The following CEP192 variants were observed in gnomAD, a reference collection of about 807,000 sequenced individuals.
CEP192 encodes centrosomal protein 192.
CEP192 carries 151 observed loss-of-function variants against 271.8 expected under a neutral mutation model. The observed-to-expected ratio is 0.56, with a 90% CI of 0.49 to 0.64. The LOEUF (loss-of-function observed/expected upper bound fraction) is 0.64, where lower values mean the gene tolerates loss of function less well. CEP192 is among the 30% of genes least tolerant of loss of function. CEP192 has a pLI of 0.00. For missense variants in CEP192, 2,910 were observed against 3,020.5 expected (o/e 0.96, Z 0.86); for synonymous variants, 995 against 1,076.5 (o/e 0.92, Z 1.48).
At chr18:13,045,737 A>T (rs2036439679) in intron 15 of CEP192, among the ~76,000 whole-genome samples, 1 of 152,226 alleles carries the variant, frequency 6.6e-6, no homozygotes, top group Non-Finnish European at 1.5e-5. Flanking sequence ...AATTCTTCAT[A>T]AAATTGTTTT....
chr18:13,124,580 G>A, intron 44 of CEP192, 52 bp from the exon 45 acceptor site: 1 of 1,555,946 alleles, frequency 6.4e-7, no homozygotes. Flanking sequence ...CCTGGGACAG[G>A]GTCACGGGTG....
In CEP192 at chr18:13,049,471, G is replaced by A. The variant is rs752765929; in HGVS notation, c.2680G>A (p.Asp894Asn). ...IDNKLQDVGN[D>N]EKATSISTPS... ...CAACAAATTACAAGATGTTGGTAAC[G>A]ATGAAAAAGCTACCTCAATTTCCAC... Residue 894 changes from aspartate (D) to asparagine (N), a missense_variant, in exon 16 of 45, where the codon GAT becomes AAT. Coordinates refer to ENST00000506447, the MANE Select transcript of CEP192 (RefSeq NM_032142.4). 1.7e-5 allele frequency: 28 copies of A among 1,613,920 alleles called. No homozygotes were observed. Among genetic ancestry groups the A allele is most frequent in the Non-Finnish European group, 2.1e-5 (25 of 1,179,996 alleles).
At chr18:13,061,125 C>T (rs1009629784) in intron 21 of CEP192, among the ~76,000 whole-genome samples, 4 of 152,142 alleles carry the variant, frequency 2.6e-5, no homozygotes, top group Non-Finnish European at 4.4e-5. Flanking sequence ...GAGTTAGCAA[C>T]CAGCCTGGCC....
chr18:13,006,505 G>A (rs547376481), intron 3 of CEP192, among the ~76,000 whole-genome samples: 149 of 152,278 alleles, frequency 9.8e-4, no homozygotes, highest in African/African-American at 3.4e-3. Context: ...TATACTGAGG[G>A]TTGACTGTAA....
chr18:13,024,467 A>G lies in CEP192; in HGVS notation c.1051-5196A>G, dbSNP rs1331928804. 1.9e-5 allele frequency: 7 copies of G among 359,306 alleles called. No homozygotes were observed. In the East Asian group the frequency reaches 5.6e-4, roughly 29 times the overall value. The allele number at this position is 359,306 out of a possible 1,614,324, so 22.3% of individuals were successfully genotyped here. On this transcript the variant is annotated intron_variant, in intron 9 of 44. Transcript: ENST00000506447. ...AGTTGGTGTGTTTGTTTGTTTATTT[A>G]TTTATTTATTTTTTGAGGTGGAGTC...
At position 13,057,576 on chromosome 18, in the gene CEP192, C is replaced by T. The variant is rs1568350761; in HGVS notation, c.4109-9C>T. 6.2e-7 allele frequency: 1 copy of T among 1,612,078 alleles called. No individual in the cohort carries two copies. Among genetic ancestry groups the T allele is most frequent in the Non-Finnish European group, 8.5e-7 (1 of 1,179,076 alleles). ...CTTGCATTTTTGACTGTGCCTTATTCTCACCCAGGGAGTGTCCGAGTGCCC... is the reference window on the plus strand; with the variant it reads ...CTTGCATTTTTGACTGTGCCTTATTTTCACCCAGGGAGTGTCCGAGTGCCC... On this transcript the variant is annotated splice_polypyrimidine_tract_variant and intron_variant, in intron 19 of 44. Transcript: ENST00000506447.
intron 30 of CEP192, among the ~76,000 whole-genome samples, chr18:13,085,694 A>C (rs1191237494): frequency 6.6e-6 from 1 of 152,170 alleles, no homozygotes; most frequent in African/African-American, 2.4e-5. Flanking sequence ...GTCAAAGATC[A>C]GATGGTTGTA....
At chr18:13,075,815 G>A (rs748459798) in intron 30 of CEP192, among the ~76,000 whole-genome samples, 5 of 152,110 alleles carry the variant, frequency 3.3e-5, no homozygotes, top group Admixed American at 6.5e-5. Context: ...ATACGTGGCC[G>A]TGATCGTGCA....
intron 9 of CEP192, among the ~76,000 whole-genome samples, chr18:13,025,442 C>T (rs2035239796): frequency 6.6e-6 from 1 of 152,110 alleles, no homozygotes; most frequent in African/African-American, 2.4e-5. Context: ...GTCTTGAGCT[C>T]CTGGCCTCAA....
intron 40 of CEP192, among the ~76,000 whole-genome samples, chr18:13,109,671 TAATA>T (rs1358401945): frequency 1.3e-5 from 2 of 151,544 alleles, no homozygotes; most frequent in East Asian, 1.9e-4. Context: ...ATGGTGAAAA[TAATA>T]AATCCAAAGA....
chr18:13,054,498 T>C (rs1395714810), intron 18 of CEP192, among the ~76,000 whole-genome samples: 1 of 152,136 alleles, frequency 6.6e-6, no homozygotes, highest in Non-Finnish European at 1.5e-5. Context: ...GTCTTTTTCA[T>C]GTTGTTGTTA....
chr18:13,087,732 G>A (rs576329979), intron 32 of CEP192, 86 bp downstream of exon 32: 37 of 567,686 alleles, frequency 6.5e-5, no homozygotes, highest in Admixed American at 5.3e-4. Flanking sequence ...AATTTTTAGA[G>A]TATTTCACTA....
rs373195534 is a variant in CEP192, at chr18:13,087,154, T to G, written c.5754T>G (p.Thr1918=). 1 of 1,614,038 alleles carries G rather than the reference T, an allele frequency of 6.2e-7. No individual in the cohort carries two copies. The highest frequency in any genetic ancestry group is 8.5e-7 in the Non-Finnish European group (1 of 1,180,008). ...AAATTGTTTTTTCTGTCCGCAACAC[T>G]GGCTCCCGAGCAGCTTTTGTTAAAG... ...ESKIVFSVRN[T]GSRAAFVKAV... is the part of the protein sequence containing the mutation. The change falls in exon 31 of 45, where the codon ACT becomes ACG. Residue 1918 remains threonine, a synonymous_variant. Coordinates refer to ENST00000506447, the MANE Select transcript of CEP192 (RefSeq NM_032142.4).
chr18:13,003,854 T>C (rs1477483802), intron 3 of CEP192, among the ~76,000 whole-genome samples: 4 of 151,024 alleles, frequency 2.6e-5, no homozygotes, highest in Non-Finnish European at 4.4e-5. Flanking sequence ...GAGGCGAGAG[T>C]GGGAGCAGCA....
At chr18:13,081,798 C>T (rs1409343816) in intron 30 of CEP192, among the ~76,000 whole-genome samples, 33 of 152,212 alleles carry the variant, frequency 2.2e-4, no homozygotes, top group Middle Eastern at 3.4e-3. Context: ...GATTCTGGTA[C>T]GTTGTGTCTT....
At chr18:13,044,381 T>C (rs1462438468) in intron 15 of CEP192, among the ~76,000 whole-genome samples, 1 of 152,146 alleles carries the variant, frequency 6.6e-6, no homozygotes, top group Non-Finnish European at 1.5e-5. Flanking sequence ...GGGAACTCTT[T>C]TTGGTATTTC....
chr18:13,101,385 A>C (rs2039697193), intron 38 of CEP192, among the ~76,000 whole-genome samples: 1 of 152,216 alleles, frequency 6.6e-6, no homozygotes, highest in Non-Finnish European at 1.5e-5. Context: ...ATTTCAACTT[A>C]GGATGGGTTT....
chr18:13,098,070 C>T (rs972324996), intron 36 of CEP192, among the ~76,000 whole-genome samples: 13 of 152,150 alleles, frequency 8.5e-5, no homozygotes, highest in African/African-American at 2.9e-4. Context: ...AGCAACCATC[C>T]GATTTCTCAA....
intron 40 of CEP192, 28 bp from the exon 41 acceptor site, chr18:13,113,558 A>G (rs763396975): frequency 3.1e-6 from 5 of 1,608,282 alleles, no homozygotes; most frequent in East Asian, 2.2e-5. Flanking sequence ...ATCAGTGTCT[A>G]AATTTCTCTT....
Sources: allele counts gnomAD v4.1 joint callset (sites outside exome capture counted in the v4.1 genomes callset), GRCh38; gene constraint gnomAD v4.1.1; transcripts MANE v1.5; gene names NCBI Gene and HGNC (gene_info 2026-07-23, HGNC 2026-07-21).